ENTPD5: variants seen among roughly 807,000 people sequenced by gnomAD.
ENTPD5 encodes nucleoside diphosphate phosphatase ENTPD5.
In ENTPD5, 49 loss-of-function variants were observed where a neutral mutation model predicts 60.2. That is an observed-to-expected ratio of 0.81 (90% CI 0.65 to 1.03). ENTPD5 has a LOEUF of 1.03. Ranked by LOEUF, ENTPD5 falls within the 50% of genes least tolerant of loss-of-function variation. The probability of loss-of-function intolerance (pLI) is 0.00; values close to 1 mark genes in which losing one functional copy is unlikely to be tolerated. For synonymous variants in ENTPD5, 187 were observed against 185.4 expected (o/e 1.01, Z -0.07); for missense variants, 480 against 507.6 (o/e 0.95, Z 0.52).
rs2056862797 is a variant in ENTPD5, at chr14:73,963,790, G to T, written c.*3138C>A. 6.6e-6 allele frequency: 1 copy of T among 152,156 alleles called. No homozygotes were observed. Among genetic ancestry groups the T allele is most frequent in the Non-Finnish European group, 1.5e-5 (1 of 68,048 alleles). The allele number at this position is 152,156 out of a possible 1,614,324, so 9.4% of individuals were successfully genotyped here. ...TCTTGAAGAGATTTTTAGGTTGTAG[G>T]TTTGCTTACTCTAAAGAACATCTTG... On this transcript the variant is annotated 3_prime_UTR_variant, in exon 16 of 16. Transcript: ENST00000334696.
intron 6 of ENTPD5, among the ~76,000 whole-genome samples, chr14:73,979,722 T>C (rs1049593583): frequency 6.6e-6 from 1 of 152,026 alleles, no homozygotes; most frequent in Non-Finnish European, 1.5e-5. Context: ...CCACCCGCCT[T>C]GGCCTCCCAA....
downstream of ENTPD5, among the ~76,000 whole-genome samples, chr14:73,957,680 T>G (rs977623127): frequency 2.0e-5 from 3 of 152,194 alleles, no homozygotes; most frequent in African/African-American, 4.8e-5. Flanking sequence ...TCCTCCTGCC[T>G]CAGCCTCCCT....
At chr14:73,973,142 G>T in intron 12 of ENTPD5, 118 bp from the exon 13 acceptor site, 1 of 1,227,168 alleles carries the variant, frequency 8.1e-7, no homozygotes. Flanking sequence ...GAAAGCAGGA[G>T]AAGGCTGAGG....
At chr14:73,995,047 A>ATT (rs2058288184) in intron 3 of ENTPD5, among the ~76,000 whole-genome samples, 1 of 105,480 alleles carries the variant, frequency 9.5e-6, no homozygotes, top group Admixed American at 1.0e-4. Context: ...AGCCAGGCAG[A>ATT]ATTTTTTTTT....
intron 4 of ENTPD5, chr14:73,987,152 A>G (rs962492298): frequency 1.4e-6 from 1 of 702,090 alleles, no homozygotes; most frequent in Non-Finnish European, 2.6e-6. Context: ...TGACCTGAGG[A>G]AAAAACACTG....
At chr14:74,006,026 T>C (rs2058669543) in intron 3 of ENTPD5, among the ~76,000 whole-genome samples, 1 of 152,114 alleles carries the variant, frequency 6.6e-6, no homozygotes. Context: ...TTTACTCTTG[T>C]TCCCCAGGCT....
chr14:73,992,332 T>C (rs2058167457), intron 3 of ENTPD5, among the ~76,000 whole-genome samples: 3 of 152,186 alleles, frequency 2.0e-5, no homozygotes, highest in Admixed American at 2.0e-4. Flanking sequence ...CTCAACTTTG[T>C]TGAGTATCTA....
intron 3 of ENTPD5, among the ~76,000 whole-genome samples, chr14:73,991,363 G>A (rs151247527): frequency 1.8e-3 from 268 of 152,086 alleles, no homozygotes; most frequent in African/African-American, 6.3e-3. Flanking sequence ...CAATGCTGGC[G>A]GATCACTTGA....
intron 6 of ENTPD5, among the ~76,000 whole-genome samples, chr14:73,981,132 AT>A (rs1399928340): frequency 5.9e-5 from 9 of 151,884 alleles, no homozygotes; most frequent in Admixed American, 1.3e-4. Context: ...ATAAATAAGA[AT>A]AAAAATAAAA....
chr14:73,987,832 G>A, intron 4 of ENTPD5, 54 bp downstream of exon 4: 2 of 1,511,576 alleles, frequency 1.3e-6, no homozygotes, highest in Non-Finnish European at 1.8e-6. Context: ...TTTCTGGGAG[G>A]AGATGCTAAA....
chr14:73,967,080 G>T, intron 15 of ENTPD5, 66 bp from the exon 16 acceptor site: 2 of 1,387,752 alleles, frequency 1.4e-6, no homozygotes, highest in Non-Finnish European at 2.0e-6. Flanking sequence ...CACAGCTCTT[G>T]GGCAGAAAAT....
intron 5 of ENTPD5, among the ~76,000 whole-genome samples, chr14:73,985,074 C>G (rs1262187901): frequency 2.0e-5 from 3 of 152,162 alleles, no homozygotes; most frequent in Non-Finnish European, 2.9e-5. Context: ...ATGAACTCAT[C>G]CTTTTTTTAT....
downstream of ENTPD5, chr14:73,955,451 G>A (rs1263876689): frequency 6.2e-7 from 1 of 1,613,946 alleles, no homozygotes; most frequent in South Asian, 1.1e-5. Context: ...TCTTTTGTAG[G>A]TTTTGGTGCC....
At chr14:74,004,503 T>C (rs954853479) in intron 3 of ENTPD5, among the ~76,000 whole-genome samples, 16 of 152,300 alleles carry the variant, frequency 1.1e-4, no homozygotes, top group African/African-American at 3.8e-4. Flanking sequence ...GAGAGTGGTT[T>C]AATTAGACAG....
At chr14:73,998,598 G>A (rs1159623171) in intron 3 of ENTPD5, among the ~76,000 whole-genome samples, 1 of 151,894 alleles carries the variant, frequency 6.6e-6, no homozygotes, top group African/African-American at 2.4e-5. Context: ...AAAAATACAT[G>A]TCCATAAATT....
chr14:73,976,484 A>T, intron 8 of ENTPD5, 72 bp from the exon 9 acceptor site: 4 of 1,195,594 alleles, frequency 3.3e-6, no homozygotes, highest in Non-Finnish European at 5.0e-6. Context: ...TCTTGCTCTT[A>T]TCATACACTG....
chr14:73,968,363 G>GC (rs1243187240), intron 15 of ENTPD5, among the ~76,000 whole-genome samples: 3 of 151,836 alleles, frequency 2.0e-5, no homozygotes, highest in East Asian at 3.9e-4. Flanking sequence ...GGAGTTTCAG[G>GC]CCCCCAATCT....
chr14:73,995,876 C>G (rs1351631307), intron 3 of ENTPD5, among the ~76,000 whole-genome samples: 3 of 152,076 alleles, frequency 2.0e-5, no homozygotes, highest in Non-Finnish European at 4.4e-5. Context: ...TATTCACCCC[C>G]CAACAAAGCC....
downstream of ENTPD5, chr14:73,961,133 C>T: frequency 6.2e-7 from 1 of 1,600,936 alleles, no homozygotes; most frequent in Non-Finnish European, 8.5e-7. Flanking sequence ...CCCTGCTACT[C>T]ACATTTCACC....
Sources: allele counts gnomAD v4.1 joint callset (sites outside exome capture counted in the v4.1 genomes callset), GRCh38; gene constraint gnomAD v4.1.1; transcripts MANE v1.5; gene names NCBI Gene and HGNC (gene_info 2026-07-23, HGNC 2026-07-21).